The following VWA5A variants were observed in gnomAD, a reference collection of about 807,000 sequenced individuals.
The protein encoded by VWA5A is von Willebrand factor A domain-containing protein 5A.
VWA5A carries 77 observed loss-of-function variants against 84.6 expected under a neutral mutation model. The ratio of observed to expected loss-of-function variants is 0.91; its 90% confidence interval spans 0.76 to 1.10. The LOEUF (loss-of-function observed/expected upper bound fraction) is 1.10, where lower values mean the gene tolerates loss of function less well. Ranked by LOEUF, VWA5A falls within the 50% of genes least tolerant of loss-of-function variation. The pLI is 0.00. For missense variants in VWA5A, 973 were observed against 963.0 expected (o/e 1.01, Z -0.14); for synonymous variants, 334 against 350.1 (o/e 0.95, Z 0.51).
At chr11:124,128,942 T>A (rs1865058420) in intron 11 of VWA5A, among the ~76,000 whole-genome samples, 2 of 152,238 alleles carry the variant, frequency 1.3e-5, no homozygotes, top group South Asian at 2.1e-4. Context: ...AGAATTTGAC[T>A]TCCTCTCTTC....
chr11:124,146,255 G>T lies in VWA5A; in HGVS notation c.*310G>T. The T allele has an allele frequency of 3.8e-6, 1 of 261,102 alleles. No individual in the cohort carries two copies. Among genetic ancestry groups the T allele is most frequent in the Non-Finnish European group, 7.3e-6 (1 of 136,562 alleles). 16.2% of individuals were successfully genotyped at this position (261,102 alleles called of 1,614,324 possible). A position where few individuals can be genotyped will look rare whatever the true frequency, so the allele number is the denominator to read the frequency against. On this transcript the variant is annotated 3_prime_UTR_variant, in exon 19 of 19. Transcript: ENST00000456829. ...CAGGGAAACAACATGAAAAACAGGTGACATGAACTACAGACTAAAGATTGC... is the reference window on the plus strand; with the variant it reads ...CAGGGAAACAACATGAAAAACAGGTTACATGAACTACAGACTAAAGATTGC...
chr11:124,121,392 T>A (rs73607020), intron 7 of VWA5A, among the ~76,000 whole-genome samples: 7,808 of 152,264 alleles, frequency 0.051, 658 homozygotes, highest in African/African-American at 0.18. Context: ...GTTCAACTCA[T>A]GGTCTGTGGG....
Position 124,135,005 on chromosome 11 carries a change from A to G in VWA5A, c.1330A>G (p.Ile444Val). 6.2e-7 allele frequency: 1 copy of G among 1,613,664 alleles called. No homozygotes were observed. Among genetic ancestry groups the G allele is most frequent in the Non-Finnish European group, 8.5e-7 (1 of 1,179,806 alleles). Residue 444 changes from isoleucine to valine, a missense_variant, in exon 12 of 19, where the codon ATC becomes GTC. By Grantham distance (29) the Ile-to-Val change is conservative (BLOSUM62 3). Transcript: ENST00000456829. ...GGCATCAGGGGGCACCTCAGAATTT[A>G]TCACAGGCAAAGACAGGATGCAGTC... is the stretch of plus-strand genomic sequence containing the variant. ...ARASGGTSEF[I>V]TGKDRMQSKA...
At position 124,137,172 on chromosome 11, in the gene VWA5A, C is replaced by T. The variant is rs772217886; in HGVS notation, c.1783C>T (p.Leu595Phe). 3.7e-6 allele frequency: 6 copies of T among 1,613,992 alleles called. No homozygotes were observed. The African/African-American group carries it at 4.0e-5, about 11-fold the overall frequency. The change falls in exon 15 of 19, where the codon CTC (leucine) becomes TTC (phenylalanine). Residue 595 changes from leucine (L) to phenylalanine (F), a missense_variant. Leu to Phe is a conservative substitution (Grantham distance 22). Coordinates refer to ENST00000456829, the MANE Select transcript of VWA5A (RefSeq NM_001130142.2). ...FTAFIAINKE[L>F]NKPVQGPLAH... is the part of the protein sequence containing the mutation. ...AGCTTTCATTGCTATCAATAAGGAGCTCAACAAGCCGGTTCAGGGGCCTCT... is the reference window on the plus strand; with the variant it reads ...AGCTTTCATTGCTATCAATAAGGAGTTCAACAAGCCGGTTCAGGGGCCTCT...
At chr11:124,135,462 A>G (rs1032385110) in intron 12 of VWA5A, among the ~76,000 whole-genome samples, 1 of 150,420 alleles carries the variant, frequency 6.6e-6, no homozygotes, top group East Asian at 2.0e-4. Flanking sequence ...CGGAAGAGGT[A>G]GTAAATTGCT....
At position 124,146,694 on chromosome 11, in the gene VWA5A, T is replaced by C. The variant is rs565812999; in HGVS notation, c.*749T>C. The C allele has an allele frequency of 2.0e-5, 3 of 152,316 alleles. No individual in the cohort carries two copies. Among genetic ancestry groups the C allele is most frequent in the African/African-American group, 7.2e-5 (3 of 41,542 alleles). 9.4% of individuals were successfully genotyped at this position (152,316 alleles called of 1,614,324 possible). A position where few individuals can be genotyped will look rare whatever the true frequency, so the allele number is the denominator to read the frequency against. The stretch of plus-strand genomic sequence containing the variant: ...GTGTCCTCTAAGTCAGGCCCTGATC[T>C]AGTGCAGTAAAGGGAAGGGTGGGCT... On this transcript the variant is annotated 3_prime_UTR_variant, in exon 19 of 19. Transcript: ENST00000456829.
rs778344964 is a variant in VWA5A at position 124,123,681 on chromosome 11, G to A, written c.1041G>A (p.Gln347=). ...TCAGGGAGAGTGTGAAGTACACTCA[G>A]CAAACAATGGAGGAGGCTCTGGGGA... The part of the protein sequence containing the change: ...ACFPESVKYT[Q]QTMEEALGRV... The change falls in exon 10 of 19, where the codon CAG becomes CAA. Residue 347 remains glutamine, a synonymous_variant. Coordinates refer to ENST00000456829, the MANE Select transcript of VWA5A (RefSeq NM_001130142.2). The A allele has an allele frequency of 6.2e-7, 1 of 1,614,094 alleles. No homozygotes were observed. The highest frequency in any genetic ancestry group is 2.2e-5 in the East Asian group (1 of 44,860).
At chr11:124,121,925 T>C (rs958552558) in intron 7 of VWA5A, among the ~76,000 whole-genome samples, 3 of 152,210 alleles carry the variant, frequency 2.0e-5, no homozygotes, top group Non-Finnish European at 4.4e-5. Context: ...TCACAAAAGC[T>C]CCTCCTCCAT....
rs138065016 is a variant in VWA5A, at chr11:124,137,885, G to T, written c.1879+617G>T. Among the ~76,000 whole-genome samples the T allele has an allele frequency of 3.5e-3, 540 of 152,178 alleles. 2 individuals carry two copies. Among genetic ancestry groups the T allele is most frequent in the Non-Finnish European group, 5.7e-3 (391 of 68,014 alleles). On this transcript the variant is annotated intron_variant, in intron 15 of 18. Transcript: ENST00000456829. ...TTTCCTTCTTTGTTTTTGAGACAGG[G>T]TCTCACTCTGTTGCCGAGGCTGGAG... is the stretch of plus-strand genomic sequence containing the variant.
intron 11 of VWA5A, chr11:124,124,601 A>T: frequency 2.7e-6 from 3 of 1,112,792 alleles, no homozygotes; most frequent in Non-Finnish European, 3.3e-6. Flanking sequence ...TTTTTAGAGA[A>T]GTAAAACATG....
intron 11 of VWA5A, among the ~76,000 whole-genome samples, chr11:124,129,421 G>A (rs983553651): frequency 2.6e-5 from 4 of 152,180 alleles, no homozygotes; most frequent in African/African-American, 9.7e-5. Flanking sequence ...GTTCATCACG[G>A]ATATTGGCCT....
chr11:124,145,505 G>T, intron 18 of VWA5A, 142 bp downstream of exon 18: 1 of 1,274,628 alleles, frequency 7.8e-7, no homozygotes, highest in East Asian at 2.6e-5. Context: ...TTTCTTGGGA[G>T]GACAAGGGTG....
At chr11:124,133,754 G>C (rs771201345) in intron 11 of VWA5A, among the ~76,000 whole-genome samples, 7 of 152,118 alleles carry the variant, frequency 4.6e-5, no homozygotes, top group Non-Finnish European at 1.0e-4. Context: ...TATTGTTATG[G>C]TTAAAAGAGT....
Position 124,117,725 on chromosome 11 carries a change from T to A in VWA5A, c.96T>A (p.Gly32=). ...VSVNIYEFVA[G]VSATLNYENE... is the part of the protein sequence containing the mutation. ...TGAACATTTACGAGTTTGTGGCTGG[T>A]GTGTCTGCAACTTTGAACTACGAGA... Residue 32 remains glycine (G), a synonymous_variant, in exon 4 of 19, where the codon GGT becomes GGA. Coordinates refer to ENST00000456829, the MANE Select transcript of VWA5A (RefSeq NM_001130142.2). The A allele has an allele frequency of 6.2e-7, 1 of 1,605,240 alleles. No homozygotes were observed. Among genetic ancestry groups the A allele is most frequent in the Non-Finnish European group, 8.5e-7 (1 of 1,176,358 alleles).
At chr11:124,145,826 G>A (rs967432004) in intron 18 of VWA5A, 40 bp from the exon 19 acceptor site, 1 of 1,550,798 alleles carries the variant, frequency 6.4e-7, no homozygotes, top group Non-Finnish European at 8.7e-7. Context: ...GCCTCTAATT[G>A]CAATCCTTCA....
At chr11:124,117,604 C>G in intron 3 of VWA5A, 50 bp downstream of exon 3, 1 of 1,614,056 alleles carries the variant, frequency 6.2e-7, no homozygotes, top group Non-Finnish European at 8.5e-7. Flanking sequence ...TGGCACCTAT[C>G]ACAAGGCTTG....
chr11:124,120,741 T>C (rs11604742), intron 7 of VWA5A, among the ~76,000 whole-genome samples: 1 of 152,222 alleles, frequency 6.6e-6, no homozygotes, highest in Admixed American at 6.5e-5. Flanking sequence ...TTCCTTATGG[T>C]GACTATTTCC....
chr11:124,139,497 G>C (rs1860684785), intron 15 of VWA5A, among the ~76,000 whole-genome samples: 7 of 152,086 alleles, frequency 4.6e-5, no homozygotes. Context: ...TCAGTATAGA[G>C]ATGTTTTACC....
At chr11:124,118,157 T>G in intron 4 of VWA5A, 32 bp from the exon 5 acceptor site, 1 of 1,601,104 alleles carries the variant, frequency 6.2e-7, no homozygotes, top group Non-Finnish European at 8.5e-7. Context: ...GATGTTCCCT[T>G]TCTTTCCCAT....
Sources: allele counts gnomAD v4.1 joint callset (sites outside exome capture counted in the v4.1 genomes callset), GRCh38; gene constraint gnomAD v4.1.1; transcripts MANE v1.5; gene names NCBI Gene and HGNC (gene_info 2026-07-23, HGNC 2026-07-21).